The following EBF1 variants were observed in gnomAD, a reference collection of about 807,000 sequenced individuals.
The protein encoded by EBF1 is EBF transcription factor 1.
In EBF1, 10 loss-of-function variants were observed where a neutral mutation model predicts 68.4. The observed-to-expected ratio is 0.15, with a 90% confidence interval of 0.09 to 0.25. The LOEUF (loss-of-function observed/expected upper bound fraction) is 0.25, where lower values mean the gene tolerates loss of function less well. Among genes scored for constraint, EBF1 ranks in the 10% least tolerant of loss-of-function variants. EBF1 has a pLI of 1.00. For missense variants in EBF1, 509 were observed against 794.4 expected, an observed-to-expected ratio of 0.64 and a Z score of 4.32; for synonymous variants, 298 against 299.8, an observed-to-expected ratio of 0.99 and a Z score of 0.06.
chr5:158,801,329 C>T (rs1323636558), intron 8 of EBF1, among the ~76,000 whole-genome samples: 1 of 152,076 alleles, frequency 6.6e-6, no homozygotes, highest in Admixed American at 6.6e-5. Flanking sequence ...TATGTGTGTG[C>T]TTTTATTAAA....
At chr5:158,852,069 A>AGAGGGGAGGAGAGGGGAGGG (rs1793031552) in intron 6 of EBF1, among the ~76,000 whole-genome samples, 1 of 17,786 alleles carries the variant, frequency 5.6e-5, no homozygotes, top group African/African-American at 2.2e-4. Context: ...AGAGGGGAGG[A>AGAGGGGAGGAGAGGGGAGGG]GAGGGGAGGG....
intron 6 of EBF1, among the ~76,000 whole-genome samples, chr5:159,069,954 C>A (rs1485701332): frequency 6.6e-6 from 1 of 152,120 alleles, no homozygotes; most frequent in East Asian, 1.9e-4. Context: ...TATTGCAAAC[C>A]TTTTAAATTC....
chr5:158,864,659 T>A (rs1263813198), intron 6 of EBF1, among the ~76,000 whole-genome samples: 1 of 152,136 alleles, frequency 6.6e-6, no homozygotes, highest in East Asian at 1.9e-4. Flanking sequence ...CGACTCCAGC[T>A]ATTAGAAAAG....
chr5:158,817,326 T>C (rs1252052603), intron 8 of EBF1, among the ~76,000 whole-genome samples: 1 of 152,176 alleles, frequency 6.6e-6, no homozygotes, highest in Non-Finnish European at 1.5e-5. Flanking sequence ...CATGTTGAAA[T>C]GTAATTGCAG....
chr5:159,073,464 G>A lies in EBF1; in HGVS notation c.486C>T (p.Ser162=). The A allele has an allele frequency of 1.2e-6, 2 of 1,614,044 alleles. No individual in the cohort carries two copies. Among genetic ancestry groups the A allele is most frequent in the South Asian group, 2.2e-5 (2 of 91,062 alleles). ...RVLLTHEIMC[S]RCCDKKSCGN... ...CACAGCTTTTCTTGTCACAACAGCG[G>A]CTATGGAGCAAAAGCGAAAGGATTT... is the stretch of plus-strand genomic sequence containing the variant. The change falls in exon 6 of 16, where the codon AGC becomes AGT. Residue 162 remains serine, a splice_region_variant and synonymous_variant. Transcript: ENST00000313708.
chr5:158,756,724 G>T (rs1453153843), intron 10 of EBF1, among the ~76,000 whole-genome samples: 1 of 151,396 alleles, frequency 6.6e-6, no homozygotes, highest in Non-Finnish European at 1.5e-5. Context: ...ATGAATGAAT[G>T]AAAGAATGAA....
chr5:158,890,683 C>T (rs1486805161), intron 6 of EBF1, among the ~76,000 whole-genome samples: 1 of 152,132 alleles, frequency 6.6e-6, no homozygotes, highest in Non-Finnish European at 1.5e-5. Flanking sequence ...TCCCCGAAGC[C>T]CCCGCCACCC....
chr5:159,064,974 G>A (rs1776541002), intron 6 of EBF1, among the ~76,000 whole-genome samples: 1 of 130,556 alleles, frequency 7.7e-6, no homozygotes, highest in Non-Finnish European at 1.5e-5. Flanking sequence ...TGTGTGGTGT[G>A]TGTAGCTAAA....
chr5:158,751,935 T>C (rs1392143702), intron 10 of EBF1, among the ~76,000 whole-genome samples: 1 of 151,998 alleles, frequency 6.6e-6, no homozygotes, highest in Non-Finnish European at 1.5e-5. Flanking sequence ...TTTTAGATGG[T>C]TTTTTTATAC....
At chr5:158,861,645 CT>C (rs1389594519) in intron 6 of EBF1, among the ~76,000 whole-genome samples, 1 of 152,160 alleles carries the variant, frequency 6.6e-6, no homozygotes, top group African/African-American at 2.4e-5. Flanking sequence ...ATTAATGCTC[CT>C]CTGCTGCTTA....
intron 6 of EBF1, among the ~76,000 whole-genome samples, chr5:158,888,964 GA>G (rs1027653307): frequency 6.6e-6 from 1 of 152,002 alleles, no homozygotes; most frequent in Non-Finnish European, 1.5e-5. Flanking sequence ...CCAATATGTT[GA>G]ATAATTCTCT....
chr5:158,940,657 C>T (rs1326806514), intron 6 of EBF1, among the ~76,000 whole-genome samples: 1 of 150,078 alleles, frequency 6.7e-6, no homozygotes, highest in African/African-American at 2.5e-5. Context: ...ACATCAAAGA[C>T]AGGAAGTTCA....
chr5:158,727,656 A>G (rs1432601620), intron 11 of EBF1, among the ~76,000 whole-genome samples: 1 of 152,204 alleles, frequency 6.6e-6, no homozygotes, highest in Non-Finnish European at 1.5e-5. Flanking sequence ...TAATCACAGT[A>G]TTTTAAATTT....
At chr5:158,823,363 G>A (rs199846004) in intron 7 of EBF1, 46 bp from the exon 8 acceptor site, 233 of 1,563,104 alleles carry the variant, frequency 1.5e-4, no homozygotes, top group African/African-American at 1.5e-4. Flanking sequence ...ATATAAAAGC[G>A]TGGTGGGTAA....
intron 8 of EBF1, among the ~76,000 whole-genome samples, chr5:158,817,930 G>A (rs985392975): frequency 6.6e-6 from 1 of 152,206 alleles, no homozygotes; most frequent in African/African-American, 2.4e-5. Flanking sequence ...AGATCCAGAG[G>A]AAGGGTTCTA....
chr5:158,712,020 C>T (rs1581221594), intron 14 of EBF1, 134 bp downstream of exon 14: 2 of 1,068,726 alleles, frequency 1.9e-6, no homozygotes, highest in East Asian at 5.2e-5. Context: ...AGCACCATCA[C>T]CCAGGGGAGT....
intron 4 of EBF1, among the ~76,000 whole-genome samples, chr5:159,087,253 A>AAT (rs199776226): frequency 7.7e-4 from 112 of 144,654 alleles, no homozygotes; most frequent in South Asian, 1.5e-3. Flanking sequence ...GGCTTTCCCT[A>AAT]ATATATATAT....
chr5:158,850,621 C>T lies in EBF1; in HGVS notation c.555-10511G>A, dbSNP rs141481765. On this transcript the variant is annotated intron_variant, in intron 6 of 15. Coordinates refer to ENST00000313708, the MANE Select transcript of EBF1 (RefSeq NM_024007.5). The stretch of plus-strand genomic sequence containing the variant: ...AGTTGATTCTTAAAATTAATAATAC[C>T]ATACTATGTGATAAGTGAAATGATG... Among the ~76,000 whole-genome samples, 47 of 152,266 alleles carry T rather than the reference C, an allele frequency of 3.1e-4. 1 individual carries two copies. The highest frequency in any genetic ancestry group is 1.0e-3 in the African/African-American group (43 of 41,540).
At chr5:158,721,219 A>T (rs1761865234) in intron 11 of EBF1, among the ~76,000 whole-genome samples, 1 of 152,180 alleles carries the variant, frequency 6.6e-6, no homozygotes, top group African/African-American at 2.4e-5. Flanking sequence ...ACATATTATT[A>T]TGAACCAGCA....
Sources: allele counts gnomAD v4.1 joint callset (sites outside exome capture counted in the v4.1 genomes callset), GRCh38; gene constraint gnomAD v4.1.1; transcripts MANE v1.5; gene names NCBI Gene and HGNC (gene_info 2026-07-23, HGNC 2026-07-21).